SLC24A3: variants seen among roughly 807,000 people sequenced by gnomAD.
SLC24A3 encodes the protein solute carrier family 24 member 3, also known as sodium/potassium/calcium exchanger 3.
SLC24A3 carries 28 observed loss-of-function variants against 75.8 expected under a neutral mutation model. The ratio of observed to expected loss-of-function variants is 0.37; its 90% CI spans 0.27 to 0.51. SLC24A3 has a LOEUF of 0.51. Ranked by LOEUF, SLC24A3 falls within the 20% of genes least tolerant of loss-of-function variation. The pLI is 0.94. For synonymous variants in SLC24A3, 372 were observed against 334.1 expected (o/e 1.11, Z -1.24); for missense variants, 663 against 847.8 (o/e 0.78, Z 2.71).
chr20:19,678,904 G>C (rs1056552971), intron 9 of SLC24A3, among the ~76,000 whole-genome samples: 2 of 151,656 alleles, frequency 1.3e-5, no homozygotes, highest in Non-Finnish European at 2.9e-5. Flanking sequence ...CATCCGAAAC[G>C]GAGCGGCGGG....
chr20:19,642,622 C>G (rs761128788), intron 6 of SLC24A3, among the ~76,000 whole-genome samples: 11 of 152,182 alleles, frequency 7.2e-5, no homozygotes, highest in Non-Finnish European at 1.5e-4. Flanking sequence ...ACTTCCTAGG[C>G]TGCAAATTGA....
intron 1 of SLC24A3, among the ~76,000 whole-genome samples, chr20:19,279,752 G>A (rs568910745): frequency 5.9e-4 from 90 of 152,188 alleles, no homozygotes; most frequent in Non-Finnish European, 7.1e-4. Flanking sequence ...TTTTCTGCCC[G>A]AGGTTCCTCC....
intron 6 of SLC24A3, among the ~76,000 whole-genome samples, chr20:19,586,800 A>G (rs991978397): frequency 6.6e-6 from 1 of 152,142 alleles, no homozygotes; most frequent in Non-Finnish European, 1.5e-5. Context: ...GGTCCCTTCT[A>G]TCTGGAAAAG....
chr20:19,473,494 G>T lies in SLC24A3; in HGVS notation c.272-41994G>T, dbSNP rs375271563. On this transcript the variant is annotated intron_variant, in intron 2 of 16. Coordinates refer to ENST00000328041, the MANE Select transcript of SLC24A3 (RefSeq NM_020689.4). ...GGTAACCCGCCTTGAGCACTTACTG[G>T]AACTACGTTAAGCCCTTTCTGTAGC... Among the ~76,000 whole-genome samples, 9 of 152,364 alleles carry T rather than the reference G, an allele frequency of 5.9e-5. No homozygotes were observed. The South Asian group carries it at 1.9e-3, about 32-fold the overall frequency.
At chr20:19,603,442 C>T (rs1016784848) in intron 6 of SLC24A3, among the ~76,000 whole-genome samples, 11 of 152,150 alleles carry the variant, frequency 7.2e-5, no homozygotes, top group African/African-American at 2.7e-4. Context: ...AGGTTGTTTG[C>T]CGGCTCTTGG....
intron 6 of SLC24A3, among the ~76,000 whole-genome samples, chr20:19,628,296 G>C (rs2031891950): frequency 6.6e-6 from 1 of 151,992 alleles, no homozygotes; most frequent in South Asian, 2.1e-4. Context: ...TGAGTAGAGA[G>C]AGCATCAGTG....
chr20:19,360,069 T>C (rs1985758553), intron 2 of SLC24A3, among the ~76,000 whole-genome samples: 1 of 152,104 alleles, frequency 6.6e-6, no homozygotes, highest in South Asian at 2.1e-4. Context: ...CAGGAAGCCA[T>C]AGGCATGAAT....
At chr20:19,673,770 C>A in intron 9 of SLC24A3, 116 bp downstream of exon 9, 1 of 807,358 alleles carries the variant, frequency 1.2e-6, no homozygotes, top group African/African-American at 1.7e-5. Context: ...TGTATCATCA[C>A]AGTCACTTGG....
At chr20:19,218,007 C>T (rs1244772464) in intron 1 of SLC24A3, among the ~76,000 whole-genome samples, 1 of 152,144 alleles carries the variant, frequency 6.6e-6, no homozygotes, top group Non-Finnish European at 1.5e-5. Context: ...TTCTAGGGTC[C>T]AGGAGGTCAG....
chr20:19,225,184 C>T (rs1008305221), intron 1 of SLC24A3, among the ~76,000 whole-genome samples: 5 of 152,072 alleles, frequency 3.3e-5, no homozygotes, highest in African/African-American at 1.2e-4. Context: ...TTTGAGCTTA[C>T]GAGTTTTCAA....
At chr20:19,554,600 G>T (rs1051397584) in intron 3 of SLC24A3, among the ~76,000 whole-genome samples, 1 of 151,984 alleles carries the variant, frequency 6.6e-6, no homozygotes, top group African/African-American at 2.4e-5. Context: ...CGGAGTTGTT[G>T]TTAAGCCTAA....
intron 3 of SLC24A3, among the ~76,000 whole-genome samples, chr20:19,527,219 T>G (rs6035365): frequency 6.6e-6 from 1 of 152,080 alleles, no homozygotes; most frequent in South Asian, 2.1e-4. Context: ...TTCCCACTTT[T>G]CTTTGTTGCT....
intron 2 of SLC24A3, among the ~76,000 whole-genome samples, chr20:19,513,745 A>G (rs1020202440): frequency 6.6e-5 from 10 of 151,926 alleles, no homozygotes; most frequent in African/African-American, 1.9e-4. Flanking sequence ...TTAGAAAAAA[A>G]AAAAAAGCCT....
intron 2 of SLC24A3, among the ~76,000 whole-genome samples, chr20:19,290,778 ATCT>A (rs1242978960): frequency 6.6e-6 from 1 of 152,144 alleles, no homozygotes; most frequent in Non-Finnish European, 1.5e-5. Context: ...AAGGCCTAGA[ATCT>A]TCAACAAGCT....
At chr20:19,452,376 ATGTGTGTGTGTGTGTGTGTGTGTGTGTG>A (rs34840970) in intron 2 of SLC24A3, among the ~76,000 whole-genome samples, 1 of 113,000 alleles carries the variant, frequency 8.8e-6, no homozygotes, top group Non-Finnish European at 1.8e-5. Flanking sequence ...CCTGTGGGGG[ATGTGTGTGTGTGTGTGTGTGTGTGTGTG>A]TGTGTGTGTG....
chr20:19,461,582 G>C (rs1398287803), intron 2 of SLC24A3, among the ~76,000 whole-genome samples: 1 of 137,046 alleles, frequency 7.3e-6, no homozygotes, highest in Non-Finnish European at 1.5e-5. Flanking sequence ...GCCCAGGCTA[G>C]AGTGCAGTGG....
At chr20:19,246,236 A>G (rs1982480354) in intron 1 of SLC24A3, among the ~76,000 whole-genome samples, 1 of 152,166 alleles carries the variant, frequency 6.6e-6, no homozygotes, top group Non-Finnish European at 1.5e-5. Context: ...AAAATTAAAT[A>G]TGCTAATTGT....
At chr20:19,453,623 G>A (rs3790214) in intron 2 of SLC24A3, among the ~76,000 whole-genome samples, 5,451 of 152,292 alleles carry the variant, frequency 0.036, 289 homozygotes, top group African/African-American at 0.11. Context: ...GAGACAGATG[G>A]TCAGTGTTGA....
chr20:19,653,821 C>T (rs576280243), intron 6 of SLC24A3, among the ~76,000 whole-genome samples: 2 of 152,178 alleles, frequency 1.3e-5, no homozygotes, highest in Admixed American at 6.5e-5. Context: ...CCCCGATGCC[C>T]CATTTTCTAT....
Sources: allele counts gnomAD v4.1 joint callset (sites outside exome capture counted in the v4.1 genomes callset), GRCh38; gene constraint gnomAD v4.1.1; transcripts MANE v1.5; gene names NCBI Gene and HGNC (gene_info 2026-07-23, HGNC 2026-07-21).